TSPAN9: variants seen among roughly 807,000 people sequenced by gnomAD.
TSPAN9 encodes the protein tetraspanin 9.
In TSPAN9, 16 loss-of-function variants were observed where a neutral mutation model predicts 31.0. The observed-to-expected ratio is 0.52, with a 90% CI of 0.35 to 0.78. The LOEUF is 0.78. Ranked by LOEUF, TSPAN9 falls within the 30% of genes least tolerant of loss-of-function variation. TSPAN9 has a pLI of 0.01. For synonymous variants in TSPAN9, 145 were observed against 121.6 expected (o/e 1.19, Z -1.27); for missense variants, 272 against 312.5 (o/e 0.87, Z 0.98).
At chr12:3,261,798 C>T (rs370448575) in intron 3 of TSPAN9, among the ~76,000 whole-genome samples, 119 of 152,308 alleles carry the variant, frequency 7.8e-4, no homozygotes, top group South Asian at 5.2e-3. Context: ...GACCCTGACC[C>T]GTCCTGCATG....
chr12:3,252,571 C>T (rs1041999972), intron 3 of TSPAN9, among the ~76,000 whole-genome samples: 2 of 152,236 alleles, frequency 1.3e-5, no homozygotes, highest in Non-Finnish European at 2.9e-5. Context: ...GGGAGCCTGC[C>T]GCTAGCTGGG....
chr12:3,169,507 C>T (rs901966785), intron 2 of TSPAN9, among the ~76,000 whole-genome samples: 9 of 152,204 alleles, frequency 5.9e-5, no homozygotes, highest in East Asian at 5.8e-4. Context: ...CCCTCCCTAC[C>T]GCCCAGAGTG....
intron 3 of TSPAN9, among the ~76,000 whole-genome samples, chr12:3,277,263 T>C (rs998184427): frequency 4.6e-5 from 7 of 152,196 alleles, no homozygotes; most frequent in African/African-American, 1.4e-4. Flanking sequence ...CCACCTGCAC[T>C]TTCACCCGGC....
chr12:3,224,385 C>G (rs993386481), intron 3 of TSPAN9, among the ~76,000 whole-genome samples: 1 of 152,200 alleles, frequency 6.6e-6, no homozygotes, highest in African/African-American at 2.4e-5. Context: ...ATCTGTGGAG[C>G]GTCAGAGAGG....
chr12:3,133,064 C>T (rs1447781588), intron 2 of TSPAN9, among the ~76,000 whole-genome samples: 2 of 152,180 alleles, frequency 1.3e-5, no homozygotes, highest in Non-Finnish European at 2.9e-5. Flanking sequence ...GGTGGGTTTA[C>T]GGTTTCAGGC....
At position 3,109,299 on chromosome 12, in the gene TSPAN9, T is replaced by TGTGTGTGAGAGAGAGAGA. The variant is rs1274383200; in HGVS notation, c.-18+25581_-18+25582insTGTGTGAGAGAGAGAGAG. Among the ~76,000 whole-genome samples, 110 of 118,332 alleles carry TGTGTGTGAGAGAGAGAGA rather than the reference T, an allele frequency of 9.3e-4. 1 individual carries two copies. The East Asian group carries it at 0.015, about 16-fold the overall frequency. 77.6% of individuals were successfully genotyped at this position (118,332 alleles called of 152,430 possible). ...GTGTGTGTGTGTGTGTGTGTGTGTG[T>TGTGTGTGAGAGAGAGAGA]GAGAGAGAGTGTGTGTGTGTGTGTG... On this transcript the variant is annotated intron_variant, in intron 2 of 8. Coordinates refer to ENST00000011898, the MANE Select transcript of TSPAN9 (RefSeq NM_006675.5).
chr12:3,180,699 A>G (rs573409630), intron 2 of TSPAN9, among the ~76,000 whole-genome samples: 2 of 152,230 alleles, frequency 1.3e-5, no homozygotes, highest in East Asian at 1.9e-4. Flanking sequence ...ATTTTCGTCC[A>G]TGTTTCCAGA....
chr12:3,123,536 C>T (rs1208544149), intron 2 of TSPAN9, among the ~76,000 whole-genome samples: 1 of 152,122 alleles, frequency 6.6e-6, no homozygotes, highest in African/African-American at 2.4e-5. Context: ...CCTGGGCGAG[C>T]TTCAGATGAG....
chr12:3,119,347 C>G (rs910259305), intron 2 of TSPAN9, among the ~76,000 whole-genome samples: 1 of 152,124 alleles, frequency 6.6e-6, no homozygotes, highest in Non-Finnish European at 1.5e-5. Context: ...CCAGGGTCAT[C>G]CAGTTTGGAT....
chr12:3,130,315 C>T (rs951167781), intron 2 of TSPAN9, among the ~76,000 whole-genome samples: 1 of 152,208 alleles, frequency 6.6e-6, no homozygotes, highest in African/African-American at 2.4e-5. Context: ...CATTTTTCCC[C>T]CTCTATTTAA....
intron 2 of TSPAN9, among the ~76,000 whole-genome samples, chr12:3,193,990 T>C (rs1049169888): frequency 6.6e-6 from 1 of 152,236 alleles, no homozygotes; most frequent in Non-Finnish European, 1.5e-5. Flanking sequence ...CGCCCTTGGA[T>C]AGCCTGCTTT....
chr12:3,118,107 C>G (rs573163878), intron 2 of TSPAN9, among the ~76,000 whole-genome samples: 47 of 151,988 alleles, frequency 3.1e-4, no homozygotes, highest in African/African-American at 5.3e-4. Context: ...TATAAAGGCT[C>G]TAGTTCACAA....
chr12:3,204,955 A>G (rs2080969203), intron 3 of TSPAN9, among the ~76,000 whole-genome samples: 1 of 152,126 alleles, frequency 6.6e-6, no homozygotes, highest in South Asian at 2.1e-4. Context: ...CCAGGGGGCA[A>G]AGGAGACTCG....
intron 3 of TSPAN9, among the ~76,000 whole-genome samples, chr12:3,218,743 T>C (rs981637763): frequency 2.0e-5 from 3 of 152,256 alleles, no homozygotes; most frequent in Non-Finnish European, 4.4e-5. Context: ...CCTTCCTCTC[T>C]GCAGTGATTA....
chr12:3,262,372 CTTTT>C (rs5796041), intron 3 of TSPAN9, among the ~76,000 whole-genome samples: 3 of 147,804 alleles, frequency 2.0e-5, no homozygotes, highest in East Asian at 3.9e-4. Context: ...GGCTGCTGCT[CTTTT>C]TTTTTTTTTC....
intron 3 of TSPAN9, among the ~76,000 whole-genome samples, chr12:3,217,188 A>G (rs117708731): frequency 0.022 from 3,326 of 152,272 alleles, 65 homozygotes; most frequent in South Asian, 0.035. Flanking sequence ...GAGATAACTG[A>G]GGAGCTGAGC....
At chr12:3,249,174 C>G (rs1862198258) in intron 3 of TSPAN9, among the ~76,000 whole-genome samples, 1 of 152,228 alleles carries the variant, frequency 6.6e-6, no homozygotes, top group African/African-American at 2.4e-5. Context: ...ACCACAGAAG[C>G]CGGTAGAATT....
At chr12:3,208,422 T>C (rs1363613178) in intron 3 of TSPAN9, among the ~76,000 whole-genome samples, 1 of 152,222 alleles carries the variant, frequency 6.6e-6, no homozygotes, top group Non-Finnish European at 1.5e-5. Context: ...GCCATGCCTC[T>C]GGGCCTCCCA....
At chr12:3,239,668 A>G (rs572708777) in intron 3 of TSPAN9, among the ~76,000 whole-genome samples, 1 of 152,300 alleles carries the variant, frequency 6.6e-6, no homozygotes, top group Non-Finnish European at 1.5e-5. Flanking sequence ...GGTTACTTGC[A>G]TAGGTCAGCA....
Sources: gnomAD v4.1 joint callset for allele counts (sites outside exome capture counted in the v4.1 genomes callset) on GRCh38, gnomAD v4.1.1 for gene constraint, MANE v1.5 for transcripts, NCBI Gene and HGNC (gene_info 2026-07-23, HGNC 2026-07-21) for gene names.